Variants in KIAA0825 observed in about 807,000 individuals in gnomAD.
The protein encoded by KIAA0825 is uncharacterized protein KIAA0825.
In KIAA0825, 119 loss-of-function variants were observed where a neutral mutation model predicts 147.6. That is an observed-to-expected ratio of 0.81 (90% confidence interval 0.69 to 0.94). KIAA0825 has a LOEUF of 0.94. Ranked by LOEUF, KIAA0825 falls within the 40% of genes least tolerant of loss-of-function variation. KIAA0825 has a pLI of 0.00. For synonymous variants in KIAA0825, 470 were observed against 518.1 expected, an observed-to-expected ratio of 0.91 and a Z score of 1.26; for missense variants, 1,381 against 1,472.7, an observed-to-expected ratio of 0.94 and a Z score of 1.02.
chr5:94,209,527 C>T (rs2150041104), intron 20 of KIAA0825, among the ~76,000 whole-genome samples: 1 of 152,226 alleles, frequency 6.6e-6, no homozygotes, highest in South Asian at 2.1e-4. Flanking sequence ...GCTGACCTGT[C>T]AGTGTTAAGT....
intron 2 of KIAA0825, among the ~76,000 whole-genome samples, chr5:94,563,598 C>A (rs1217225770): frequency 6.6e-6 from 1 of 152,134 alleles, no homozygotes; most frequent in African/African-American, 2.4e-5. Context: ...ATAACAATGA[C>A]AATTGTATCT....
chr5:94,168,267 A>C (rs1189855226), intron 20 of KIAA0825, among the ~76,000 whole-genome samples: 1 of 152,142 alleles, frequency 6.6e-6, no homozygotes, highest in Non-Finnish European at 1.5e-5. Context: ...GCAAGAATTC[A>C]AATGACTGTT....
chr5:94,513,654 TA>T (rs571123036), intron 5 of KIAA0825, among the ~76,000 whole-genome samples: 173 of 151,904 alleles, frequency 1.1e-3, no homozygotes, highest in African/African-American at 4.1e-3. Context: ...GGCCAGAAAA[TA>T]GAGTCCATGC....
intron 15 of KIAA0825, among the ~76,000 whole-genome samples, chr5:94,404,063 A>G (rs1017021648): frequency 6.6e-6 from 1 of 152,248 alleles, no homozygotes; most frequent in Non-Finnish European, 1.5e-5. Context: ...CATAAATTGT[A>G]TGACCTTCTT....
chr5:94,274,211 C>A (rs900967325), intron 20 of KIAA0825, among the ~76,000 whole-genome samples: 5 of 151,982 alleles, frequency 3.3e-5, no homozygotes, highest in African/African-American at 9.7e-5. Flanking sequence ...TGTAGAGTTT[C>A]TTTTTCAGGG....
At chr5:94,417,458 TGTGGAA>T (rs1562477513) in intron 14 of KIAA0825, 93 bp from the exon 15 acceptor site, 1 of 967,778 alleles carries the variant, frequency 1.0e-6, no homozygotes, top group East Asian at 2.7e-5. Context: ...AGCATAATGC[TGTGGAA>T]ATGGTTTTTA....
At chr5:94,496,874 A>G (rs1366242527) in intron 5 of KIAA0825, among the ~76,000 whole-genome samples, 21 of 152,122 alleles carry the variant, frequency 1.4e-4, no homozygotes, top group Non-Finnish European at 2.9e-5. Context: ...TGGTGTTTGC[A>G]AGCCGCTGCG....
At chr5:94,181,240 A>G (rs1201487165) in intron 20 of KIAA0825, among the ~76,000 whole-genome samples, 1 of 152,208 alleles carries the variant, frequency 6.6e-6, no homozygotes, top group Non-Finnish European at 1.5e-5. Flanking sequence ...GAACTCCTAT[A>G]CTTTAGAATC....
intron 2 of KIAA0825, among the ~76,000 whole-genome samples, chr5:94,566,022 C>T (rs1424815181): frequency 6.6e-6 from 1 of 152,152 alleles, no homozygotes; most frequent in Non-Finnish European, 1.5e-5. Context: ...TGAGAACATG[C>T]CATATCTATC....
chr5:94,508,773 T>G (rs1432708633), intron 5 of KIAA0825, among the ~76,000 whole-genome samples: 1 of 152,220 alleles, frequency 6.6e-6, no homozygotes, highest in Non-Finnish European at 1.5e-5. Flanking sequence ...TGTCTCTCTA[T>G]TGCCGAGCCT....
intron 14 of KIAA0825, among the ~76,000 whole-genome samples, chr5:94,434,709 G>A (rs1172703964): frequency 6.6e-6 from 1 of 152,158 alleles, no homozygotes; most frequent in East Asian, 1.9e-4. Flanking sequence ...GTGAAAGGGT[G>A]GAAGGCAGAA....
At chr5:94,332,946 T>C (rs1335566865) in intron 20 of KIAA0825, among the ~76,000 whole-genome samples, 4 of 152,220 alleles carry the variant, frequency 2.6e-5, no homozygotes, top group Non-Finnish European at 5.9e-5. Flanking sequence ...TATCTCATTG[T>C]GGTTTTGATT....
At chr5:94,601,584 A>G (rs1561379425) in intron 1 of KIAA0825, among the ~76,000 whole-genome samples, 1 of 152,222 alleles carries the variant, frequency 6.6e-6, no homozygotes, top group Non-Finnish European at 1.5e-5. Context: ...CTCAGAATGT[A>G]GATAAAAACA....
intron 12 of KIAA0825, among the ~76,000 whole-genome samples, chr5:94,457,101 G>T (rs1459620218): frequency 2.6e-5 from 4 of 152,142 alleles, no homozygotes; most frequent in Non-Finnish European, 5.9e-5. Flanking sequence ...GGTCTCAAAG[G>T]GAGTGAGATC....
intron 20 of KIAA0825, among the ~76,000 whole-genome samples, chr5:94,349,200 G>C (rs1783358948): frequency 6.6e-6 from 1 of 152,142 alleles, no homozygotes; most frequent in Non-Finnish European, 1.5e-5. Flanking sequence ...GAGACAAAAA[G>C]GGACATTATG....
intron 1 of KIAA0825, chr5:94,593,914 A>T (rs546735972): frequency 2.3e-6 from 1 of 430,334 alleles, no homozygotes; most frequent in South Asian, 1.9e-5. Context: ...AAGTGGGAAT[A>T]TCCAGAATTG....
intron 20 of KIAA0825, among the ~76,000 whole-genome samples, chr5:94,154,596 G>C (rs10040648): frequency 0.11 from 16,914 of 152,100 alleles, 1,042 homozygotes; most frequent in Middle Eastern, 0.16. Context: ...GCAGGTCAGT[G>C]TATTTCTTGA....
At chr5:94,465,088 A>G (rs1250327025) in intron 10 of KIAA0825, 29 bp from the exon 11 acceptor site, 3 of 1,537,036 alleles carry the variant, frequency 2.0e-6, no homozygotes, top group Admixed American at 2.0e-5. Context: ...GTTAAACCAT[A>G]GAGTTACATC....
intron 20 of KIAA0825, among the ~76,000 whole-genome samples, chr5:94,271,785 A>G (rs1041904942): frequency 1.3e-5 from 2 of 151,878 alleles, no homozygotes; most frequent in Non-Finnish European, 2.9e-5. Flanking sequence ...AAATAGACCT[A>G]CCCTATGATC....
Sources: gnomAD v4.1 joint callset for allele counts (sites outside exome capture counted in the v4.1 genomes callset) on GRCh38, gnomAD v4.1.1 for gene constraint, MANE v1.5 for transcripts, NCBI Gene and HGNC (gene_info 2026-07-23, HGNC 2026-07-21) for gene names.